The following ZNF462 variants were observed in gnomAD, a reference collection of about 807,000 sequenced individuals.
The protein encoded by ZNF462 is zinc finger protein 462.
A neutral mutation model predicts 201.9 loss-of-function variants in ZNF462; 10 were observed. The observed-to-expected ratio is 0.05, with a 90% CI of 0.03 to 0.08. ZNF462 has a LOEUF of 0.08. Among genes scored for constraint, ZNF462 ranks in the 10% least tolerant of loss-of-function variants. The probability of loss-of-function intolerance (pLI) is 1.00; values close to 1 mark genes in which losing one functional copy is unlikely to be tolerated. For synonymous variants in ZNF462, 1,227 were observed against 1,193.3 expected (o/e 1.03, Z -0.58); for missense variants, 2,523 against 3,168.3 (o/e 0.80, Z 4.89).
Position 106,872,414 on chromosome 9 carries a change from A to G in ZNF462, c.-31+9059A>G, listed in dbSNP as rs1160778936. ...AGTTTTGCTCTGTCTCCCAGGCTGG[A>G]GTGCAGTGGCACGATCTCCACTTAA... On this transcript the variant is annotated intron_variant, in intron 1 of 12. Transcript: ENST00000277225. This position sits in a 1 kb window ranked among gnomAD's most constrained non-coding sequence, Gnocchi z 4.5. Among the ~76,000 whole-genome samples the G allele has an allele frequency of 6.6e-6, 1 of 152,072 alleles. No homozygotes were observed. The highest frequency in any genetic ancestry group is 6.5e-5 in the Admixed American group (1 of 15,274).
chr9:107,003,402 A>G lies in ZNF462; in HGVS notation c.7165A>G (p.Met2389Val). The G allele has an allele frequency of 6.2e-7, 1 of 1,613,754 alleles. No homozygotes were observed. The highest frequency in any genetic ancestry group is 8.5e-7 in the Non-Finnish European group (1 of 1,179,794). The change falls in exon 11 of 13, where the codon ATG becomes GTG. Residue 2389 changes from methionine (M) to valine (V), a missense_variant. Met to Val is a conservative substitution (Grantham distance 21). Transcript: ENST00000277225. The surrounding 1 kb of genome is among the most constrained non-coding windows in gnomAD (Gnocchi z 4.4). ...SSDDEDKEEE[M>V]NSKAEDRELM... ...CGATGATGAGGACAAGGAAGAAGAA[A>G]TGAACAGCAAGGCTGAAGACAGAGG...
At chr9:106,877,363 ATGTTGT>A (rs1180311870) in intron 1 of ZNF462, among the ~76,000 whole-genome samples, 8 of 137,856 alleles carry the variant, frequency 5.8e-5, no homozygotes. Flanking sequence ...TGTCATTGGA[ATGTTGT>A]TGTTATTATT....
In ZNF462 at chr9:106,932,166, A is replaced by G. The variant is rs1830450454; in HGVS notation, c.6013-280A>G. The G allele has an allele frequency of 4.0e-6, 6 of 1,493,048 alleles. No individual in the cohort carries two copies. The highest frequency in any genetic ancestry group is 5.3e-6 in the Non-Finnish European group (6 of 1,122,808). 92.5% of individuals were successfully genotyped at this position (1,493,048 alleles called of 1,614,324 possible). A position where few individuals can be genotyped will look rare whatever the true frequency, so the allele number is the denominator to read the frequency against. On this transcript the variant is annotated intron_variant, in intron 4 of 12. Transcript: ENST00000277225. The surrounding 1 kb of genome is among the most constrained non-coding windows in gnomAD (Gnocchi z 6.8). ...GAAGCTTTGACAAGAAGTGCTGTTG[A>G]GTTTGGGAGAATGTAGGGAGAAAAA...
chr9:107,004,455 G>A (rs1048384848), intron 11 of ZNF462, among the ~76,000 whole-genome samples: 1 of 151,950 alleles, frequency 6.6e-6, no homozygotes, highest in African/African-American at 2.4e-5. Flanking sequence ...GTAAATTATT[G>A]TATTTCCTTG....
At position 106,876,003 on chromosome 9, in the gene ZNF462, C is replaced by A. The variant is rs1435347950; in HGVS notation, c.-31+12648C>A. On this transcript the variant is annotated intron_variant, in intron 1 of 12. Transcript: ENST00000277225. The surrounding 1 kb of genome is among the most constrained non-coding windows in gnomAD (Gnocchi z 4.9). ...TCTAGGCACTTATTTTTCTCTAAAA[C>A]ATCAAGAGTGCAAATAGTCATCTCT... Among the ~76,000 whole-genome samples the A allele has an allele frequency of 1.1e-4, 17 of 152,104 alleles. No individual in the cohort carries two copies. The highest frequency in any genetic ancestry group is 1.1e-3 in the Admixed American group (17 of 15,284).
intron 1 of ZNF462, among the ~76,000 whole-genome samples, chr9:106,866,375 T>A (rs1009991620): frequency 6.6e-6 from 1 of 152,224 alleles, no homozygotes; most frequent in Non-Finnish European, 1.5e-5. Flanking sequence ...CAGTGCTGTA[T>A]ATGACAACAT....
In ZNF462 at chr9:106,993,422, A is replaced by C. The variant is rs1351327445; in HGVS notation, c.7056+9013A>C. 6.6e-6 allele frequency among the ~76,000 whole-genome samples: 1 copy of C among 151,986 alleles called. No individual in the cohort carries two copies. Among genetic ancestry groups the C allele is most frequent in the African/African-American group, 2.4e-5 (1 of 41,416 alleles). ...AGAACCCTCATTTTATAGGTGATAAACACAATCTTTCCTCCTAGATCTTTA... is the reference window on the plus strand; with the variant it reads ...AGAACCCTCATTTTATAGGTGATAACCACAATCTTTCCTCCTAGATCTTTA... On this transcript the variant is annotated intron_variant, in intron 10 of 12. Transcript: ENST00000277225. This position sits in a 1 kb window ranked among gnomAD's most constrained non-coding sequence, Gnocchi z 4.0.
At chr9:106,983,119 C>G (rs1216515967) in intron 9 of ZNF462, among the ~76,000 whole-genome samples, 1 of 152,056 alleles carries the variant, frequency 6.6e-6, no homozygotes, top group Non-Finnish European at 1.5e-5. Context: ...TAATTTTATC[C>G]CAGTTATGGA....
chr9:106,935,517 T>C lies in ZNF462; in HGVS notation c.6131T>C (p.Met2044Thr). 3 of 1,614,110 alleles carry C rather than the reference T, an allele frequency of 1.9e-6. No individual in the cohort carries two copies. Among genetic ancestry groups the C allele is most frequent in the Non-Finnish European group, 2.5e-6 (3 of 1,179,970 alleles). ...TCTACATCAAGTTTGGATCGCCATATGCAAACCCACCACGGACACCATAAA... is the reference window on the plus strand; with the variant it reads ...TCTACATCAAGTTTGGATCGCCATACGCAAACCCACCACGGACACCATAAA... ...SAFRHNLDRH[M>T]QTHHGHHKPF... The change falls in exon 6 of 13, where the codon ATG becomes ACG. Residue 2044 changes from methionine to threonine, a missense_variant. Physicochemically the swap from Met to Thr is moderately conservative, Grantham distance 81 (BLOSUM62 -1). Coordinates refer to ENST00000277225, the MANE Select transcript of ZNF462 (RefSeq NM_021224.6). This position sits in a 1 kb window ranked among gnomAD's most constrained non-coding sequence, Gnocchi z 4.1.
intron 7 of ZNF462, among the ~76,000 whole-genome samples, chr9:106,959,792 A>G (rs1831745844): frequency 6.6e-6 from 1 of 152,100 alleles, no homozygotes; most frequent in Non-Finnish European, 1.5e-5. Flanking sequence ...TGGCTAAGAC[A>G]GTGAAAGGTG....
At chr9:106,888,430 G>A (rs868682845) in intron 1 of ZNF462, among the ~76,000 whole-genome samples, 1 of 152,238 alleles carries the variant, frequency 6.6e-6, no homozygotes, top group African/African-American at 2.4e-5. Context: ...TAGGGTTAGT[G>A]TTTGGCAGGG....
rs1342792141 is a variant in ZNF462 at position 106,865,311 on chromosome 9, G to C, written c.-31+1956G>C. Among the ~76,000 whole-genome samples, 1 of 152,132 alleles carries C rather than the reference G, an allele frequency of 6.6e-6. No individual in the cohort carries two copies. The highest frequency in any genetic ancestry group is 1.5e-5 in the Non-Finnish European group (1 of 68,026). ...CACTGAGGTCTTCACACAACTTTAA[G>C]CTGCTCCAGGTCTCCTGAAAGTCAC... On this transcript the variant is annotated intron_variant, in intron 1 of 12. Transcript: ENST00000277225. The surrounding 1 kb of genome is among the most constrained non-coding windows in gnomAD (Gnocchi z 4.1).
Position 106,963,253 on chromosome 9 carries a change from C to T in ZNF462, c.6428-8752C>T, listed in dbSNP as rs991572105. Among the ~76,000 whole-genome samples the T allele has an allele frequency of 9.9e-5, 15 of 151,918 alleles. No homozygotes were observed. The highest frequency in any genetic ancestry group is 3.6e-4 in the African/African-American group (15 of 41,384). ...AGGTACAAAGGAATTCGGATAGAACCGAGAACAATTTTTTAAATCAGCAGA... is the reference window on the plus strand; with the variant it reads ...AGGTACAAAGGAATTCGGATAGAACTGAGAACAATTTTTTAAATCAGCAGA... On this transcript the variant is annotated intron_variant, in intron 7 of 12. Coordinates refer to ENST00000277225, the MANE Select transcript of ZNF462 (RefSeq NM_021224.6). This position sits in a 1 kb window ranked among gnomAD's most constrained non-coding sequence, Gnocchi z 4.7.
intron 1 of ZNF462, among the ~76,000 whole-genome samples, chr9:106,868,083 A>AC (rs1414683776): frequency 6.6e-6 from 1 of 151,812 alleles, no homozygotes; most frequent in African/African-American, 2.4e-5. Flanking sequence ...TGAAAAAAAA[A>AC]AAAAATCAGT....
Position 106,927,941 on chromosome 9 carries a change from C to G in ZNF462, c.4029C>G (p.Thr1343=). ...ATCCAGAACACTATGTTGATTACAC[C>G]TACATGGCTACTAAACTGTGGGCTG... ...RRHPEHYVDY[T]YMATKLWAGP... Residue 1343 remains threonine, a synonymous_variant, in exon 3 of 13, where the codon ACC becomes ACG. Coordinates refer to ENST00000277225, the MANE Select transcript of ZNF462 (RefSeq NM_021224.6). 6.2e-7 allele frequency: 1 copy of G among 1,614,176 alleles called. No individual in the cohort carries two copies. Among genetic ancestry groups the G allele is most frequent in the Non-Finnish European group, 8.5e-7 (1 of 1,180,044 alleles).
At chr9:106,973,493 A>G (rs771233587) in intron 8 of ZNF462, among the ~76,000 whole-genome samples, 3 of 152,224 alleles carry the variant, frequency 2.0e-5, no homozygotes, top group Admixed American at 6.5e-5. Context: ...ACAGGCAGAC[A>G]CTTTCTCCAG....
In ZNF462 at chr9:106,950,328, T is replaced by C. The variant is rs934798489; in HGVS notation, c.6427+11221T>C. On this transcript the variant is annotated intron_variant, in intron 7 of 12. Coordinates refer to ENST00000277225, the MANE Select transcript of ZNF462 (RefSeq NM_021224.6). This position sits in a 1 kb window ranked among gnomAD's most constrained non-coding sequence, Gnocchi z 4.1. The stretch of plus-strand genomic sequence containing the variant: ...GACAGGAATAGAGCCACAACCAATG[T>C]GCTAGAAGTTGCAAATAGCTGCAGT... Among the ~76,000 whole-genome samples the C allele has an allele frequency of 6.6e-6, 1 of 152,238 alleles. No individual in the cohort carries two copies. Among genetic ancestry groups the C allele is most frequent in the African/African-American group, 2.4e-5 (1 of 41,458 alleles).
chr9:106,932,478 C>G lies in ZNF462; in HGVS notation c.6045C>G (p.Ala2015=). Residue 2015 remains alanine (A), a synonymous_variant, in exon 5 of 13, where the codon GCC becomes GCG. Transcript: ENST00000277225. This position sits in a 1 kb window ranked among gnomAD's most constrained non-coding sequence, Gnocchi z 6.8. ...GLRSHERSHL[A]LAMFTREDKY... ...GTTCTCATGAGAGGAGCCACCTGGC[C>G]CTGGCCATGTTTACCCGCGAGGACA... The G allele has an allele frequency of 6.2e-7, 1 of 1,614,232 alleles. No homozygotes were observed. The highest frequency in any genetic ancestry group is 8.5e-7 in the Non-Finnish European group (1 of 1,180,044).
rs1831911900 is a variant in ZNF462 at position 106,963,011 on chromosome 9, A to G, written c.6428-8994A>G. Reference sequence around the variant, plus strand: ...AGGCGTATGTTCCCCCTTAGACACTATGGAATGGAAATGGTTTGTATTCTA... The same window carrying G: ...AGGCGTATGTTCCCCCTTAGACACTGTGGAATGGAAATGGTTTGTATTCTA... On this transcript the variant is annotated intron_variant, in intron 7 of 12. Coordinates refer to ENST00000277225, the MANE Select transcript of ZNF462 (RefSeq NM_021224.6). The surrounding 1 kb of genome is among the most constrained non-coding windows in gnomAD (Gnocchi z 4.7). Among the ~76,000 whole-genome samples, 1 of 152,076 alleles carries G rather than the reference A, an allele frequency of 6.6e-6. No individual in the cohort carries two copies. The highest frequency in any genetic ancestry group is 1.5e-5 in the Non-Finnish European group (1 of 67,980).
Sources: allele counts gnomAD v4.1 joint callset (sites outside exome capture counted in the v4.1 genomes callset), GRCh38; gene constraint gnomAD v4.1.1; non-coding constraint Gnocchi (gnomAD v3.1); transcripts MANE v1.5; gene names NCBI Gene and HGNC (gene_info 2026-07-23, HGNC 2026-07-21).